Variants in UBAP2 observed in about 807,000 individuals in gnomAD.
UBAP2 encodes the protein ubiquitin-associated protein 2.
In UBAP2, 75 loss-of-function variants were observed where a neutral mutation model predicts 139.6. The ratio of observed to expected loss-of-function variants is 0.54; its 90% CI spans 0.45 to 0.65. UBAP2 has a LOEUF of 0.65. Ranked by LOEUF, UBAP2 falls within the 30% of genes least tolerant of loss-of-function variation. UBAP2 has a pLI of 0.00. For missense variants in UBAP2, 1,368 were observed against 1,369.6 expected, an observed-to-expected ratio of 1.00 and a Z score of 0.02; for synonymous variants, 526 against 526.2, an observed-to-expected ratio of 1.00 and a Z score of 0.01.
chr9:33,990,634 C>A (rs992575040), intron 4 of UBAP2, among the ~76,000 whole-genome samples: 1 of 62,752 alleles, frequency 1.6e-5, no homozygotes, highest in African/African-American at 5.6e-5. Context: ...ATAGTACCCC[C>A]CAATTTTTTT....
At chr9:34,033,057 G>A (rs1826025321) in intron 1 of UBAP2, among the ~76,000 whole-genome samples, 1 of 152,068 alleles carries the variant, frequency 6.6e-6, no homozygotes, top group African/African-American at 2.4e-5. Flanking sequence ...AAACAATTTG[G>A]AGGTTCTGGA....
At position 33,995,485 on chromosome 9, in the gene UBAP2, ATAT is replaced by A. The variant is rs943081001; in HGVS notation, c.288+735_288+737del. On this transcript the variant is annotated intron_variant, in intron 4 of 28. Coordinates refer to ENST00000379238, the MANE Select transcript of UBAP2 (RefSeq NM_001370062.2). ...ATATATTAAATATATAAATATATTT[ATAT>A]TATTAAATATATATATTTATATTAT... The A allele has an allele frequency of 3.7e-4, 50 of 135,616 alleles. No individual in the cohort carries two copies. In the East Asian group the frequency reaches 7.3e-3, roughly 20 times the overall value. The allele number at this position is 135,616 out of a possible 1,614,324, so 8.4% of individuals were successfully genotyped here. A position where few individuals can be genotyped will look rare whatever the true frequency, so the allele number is the denominator to read the frequency against.
At chr9:34,039,286 C>T (rs1826814235) in intron 1 of UBAP2, among the ~76,000 whole-genome samples, 1 of 151,990 alleles carries the variant, frequency 6.6e-6, no homozygotes, top group African/African-American at 2.4e-5. Flanking sequence ...GGGGGCGCCT[C>T]TGCCCGGCCA....
intron 2 of UBAP2, among the ~76,000 whole-genome samples, chr9:34,000,393 GA>G (rs1325055473): frequency 6.6e-6 from 1 of 152,148 alleles, no homozygotes; most frequent in Non-Finnish European, 1.5e-5. Flanking sequence ...AAGTTCTAAA[GA>G]AAGTTATTCT....
At chr9:34,016,847 C>G (rs1460077993) in intron 2 of UBAP2, among the ~76,000 whole-genome samples, 1 of 152,032 alleles carries the variant, frequency 6.6e-6, no homozygotes, top group Non-Finnish European at 1.5e-5. Flanking sequence ...CGTGAGCCAC[C>G]GCACCCGGCC....
chr9:34,023,681 C>T (rs1336773948), intron 1 of UBAP2, among the ~76,000 whole-genome samples: 1 of 152,144 alleles, frequency 6.6e-6, no homozygotes, highest in South Asian at 2.1e-4. Context: ...AAAAGTTTTT[C>T]TCTTAATTAA....
chr9:33,970,721 G>A (rs1027454431), intron 8 of UBAP2, among the ~76,000 whole-genome samples: 2 of 152,106 alleles, frequency 1.3e-5, no homozygotes, highest in African/African-American at 4.8e-5. Context: ...ATGAACCACT[G>A]CACCTGGCCT....
chr9:33,935,104 G>T (rs1824340952), intron 17 of UBAP2, among the ~76,000 whole-genome samples: 1 of 141,282 alleles, frequency 7.1e-6, no homozygotes, highest in Admixed American at 7.6e-5. Context: ...CTACAGAAAA[G>T]AAGCAATTAA....
At chr9:34,037,225 T>C (rs1247810322) in intron 1 of UBAP2, among the ~76,000 whole-genome samples, 4 of 152,106 alleles carry the variant, frequency 2.6e-5, no homozygotes, top group African/African-American at 9.7e-5. Flanking sequence ...CCTGACCTCG[T>C]GATCCGCCCG....
chr9:34,043,627 G>C lies in UBAP2; in HGVS notation c.-42+5198C>G, dbSNP rs1827287443. Among the ~76,000 whole-genome samples, 3 of 151,414 alleles carry C rather than the reference G, an allele frequency of 2.0e-5. No individual in the cohort carries two copies. In the South Asian group the frequency reaches 6.3e-4, roughly 32 times the overall value. On this transcript the variant is annotated intron_variant, in intron 1 of 28. Transcript: ENST00000379238. Reference sequence around the variant, plus strand: ...TCCCACCTCAGCCTCACAAGTAGATGGGACTCTGGGTACATGCAATCATGC... The same window carrying C: ...TCCCACCTCAGCCTCACAAGTAGATCGGACTCTGGGTACATGCAATCATGC...
At chr9:34,009,345 C>G (rs904814930) in intron 2 of UBAP2, among the ~76,000 whole-genome samples, 3 of 152,032 alleles carry the variant, frequency 2.0e-5, no homozygotes, top group African/African-American at 7.2e-5. Context: ...GTGATCCACC[C>G]GTCTCAGCCT....
At chr9:33,932,358 G>C (rs1428174241) in intron 19 of UBAP2, among the ~76,000 whole-genome samples, 2 of 152,118 alleles carry the variant, frequency 1.3e-5, no homozygotes, top group Non-Finnish European at 2.9e-5. Context: ...TTCTTCCCAG[G>C]CGCTACAAAC....
At chr9:34,037,861 A>G (rs1171808228) in intron 1 of UBAP2, among the ~76,000 whole-genome samples, 1 of 152,046 alleles carries the variant, frequency 6.6e-6, no homozygotes, top group Non-Finnish European at 1.5e-5. Context: ...GATGGGAAAG[A>G]GGCTATAAAA....
rs762730166 is a variant in UBAP2 at position 33,996,216 on chromosome 9, T to C, written c.288+7A>G. On this transcript the variant is annotated splice_region_variant and intron_variant, in intron 4 of 28. Coordinates refer to ENST00000379238, the MANE Select transcript of UBAP2 (RefSeq NM_001370062.2). ...GTAAACAATGCAAATCAATTAATAA[T>C]ACTTACTGTGTCTGAATTCCCTTCC... 4 of 1,595,306 alleles carry C rather than the reference T, an allele frequency of 2.5e-6. No individual in the cohort carries two copies. Among genetic ancestry groups the C allele is most frequent in the African/African-American group, 1.3e-5 (1 of 74,540 alleles).
intron 9 of UBAP2, among the ~76,000 whole-genome samples, chr9:33,961,103 G>A (rs1212492500): frequency 1.3e-5 from 2 of 152,066 alleles, no homozygotes; most frequent in African/African-American, 4.8e-5. Context: ...AATGCAACTT[G>A]ACTAGTAGTC....
intron 8 of UBAP2, among the ~76,000 whole-genome samples, chr9:33,967,270 A>G (rs150234878): frequency 0.013 from 2,018 of 152,320 alleles, 26 homozygotes; most frequent in Non-Finnish European, 0.021. Flanking sequence ...ACACAATCAC[A>G]AAAAACAACG....
At chr9:34,035,514 A>AAAAAAAAATATATATAT in intron 1 of UBAP2, among the ~76,000 whole-genome samples, 2 of 22,492 alleles carry the variant, frequency 8.9e-5, no homozygotes, top group Admixed American at 6.9e-4. Context: ...AAAAAAAAAA[A>AAAAAAAAATATATATAT]ATATATATAT....
At chr9:33,993,896 CT>C (rs34361153) in intron 4 of UBAP2, among the ~76,000 whole-genome samples, 67 of 137,244 alleles carry the variant, frequency 4.9e-4, no homozygotes, top group African/African-American at 4.9e-4. Flanking sequence ...GCTTTGCTTT[CT>C]TTTTTTTTTT....
chr9:33,948,937 C>G, intron 12 of UBAP2: 1 of 197,058 alleles, frequency 5.1e-6, no homozygotes, highest in South Asian at 9.6e-5. Context: ...ATTACAAGGT[C>G]AGGCGGATCA....
Sources: gnomAD v4.1 joint callset for allele counts (sites outside exome capture counted in the v4.1 genomes callset) on GRCh38, gnomAD v4.1.1 for gene constraint, MANE v1.5 for transcripts, NCBI Gene and HGNC (gene_info 2026-07-23, HGNC 2026-07-21) for gene names.